The following GXYLT1 variants were observed in gnomAD, a reference collection of about 807,000 sequenced individuals.
The protein encoded by GXYLT1 is glycosyltransferase 8 domain containing 3.
GXYLT1 carries 29 observed loss-of-function variants against 54.0 expected under a neutral mutation model. The ratio of observed to expected loss-of-function variants is 0.54; its 90% CI spans 0.40 to 0.73. The LOEUF is 0.73. Among genes scored for constraint, GXYLT1 ranks in the 30% least tolerant of loss-of-function variants. The pLI is 0.00. For synonymous variants in GXYLT1, 176 were observed against 204.1 expected, an observed-to-expected ratio of 0.86 and a Z score of 1.17; for missense variants, 490 against 553.4, an observed-to-expected ratio of 0.89 and a Z score of 1.15.
intron 4 of GXYLT1, among the ~76,000 whole-genome samples, chr12:42,108,585 CTTAT>C (rs2065434294): frequency 6.6e-6 from 1 of 152,012 alleles, no homozygotes; most frequent in Non-Finnish European, 1.5e-5. Flanking sequence ...ATCTTAATCC[CTTAT>C]TTGTGTGCTT....
chr12:42,114,242 AT>A (rs1457887421), intron 3 of GXYLT1, among the ~76,000 whole-genome samples: 1 of 152,244 alleles, frequency 6.6e-6, no homozygotes, highest in Non-Finnish European at 1.5e-5. Flanking sequence ...GAGCAAAGAC[AT>A]TCAAAACCTA....
At chr12:42,104,653 T>G (rs938260761) in intron 5 of GXYLT1, among the ~76,000 whole-genome samples, 3 of 151,768 alleles carry the variant, frequency 2.0e-5, no homozygotes, top group African/African-American at 7.3e-5. Context: ...CACATGGTAA[T>G]GGCTACAGCA....
In GXYLT1 at chr12:42,086,110, A is replaced by G. The variant is rs1342980880; in HGVS notation, c.*1676T>C. ...GATCATTATTTGAGGACCATTAGAA[A>G]TGATCTAATACATACCCTCCAAACT... On this transcript the variant is annotated 3_prime_UTR_variant, in exon 8 of 8. Transcript: ENST00000398675. 2 of 152,256 alleles carry G rather than the reference A, an allele frequency of 1.3e-5. No homozygotes were observed. The highest frequency in any genetic ancestry group is 4.1e-4 in the South Asian group (2 of 4,836). 9.4% of individuals were successfully genotyped at this position (152,256 alleles called of 1,614,324 possible). A position where few individuals can be genotyped will look rare whatever the true frequency, so the allele number is the denominator to read the frequency against.
chr12:42,112,241 T>C (rs1441120511), intron 3 of GXYLT1, among the ~76,000 whole-genome samples: 1 of 152,100 alleles, frequency 6.6e-6, no homozygotes, highest in East Asian at 1.9e-4. Flanking sequence ...AGAGTGCCTC[T>C]CCTCCTCCAA....
rs189013536 is a variant in GXYLT1 at position 42,138,482 on chromosome 12, C to G, written c.221+5944G>C. On this transcript the variant is annotated intron_variant, in intron 1 of 7. Coordinates refer to ENST00000398675, the MANE Select transcript of GXYLT1 (RefSeq NM_173601.2). The stretch of plus-strand genomic sequence containing the variant: ...GAATAAGTTAGCATCACACAATATA[C>G]CTCCTCTACCAGCCCCCAGCTCCCC... Among the ~76,000 whole-genome samples the G allele has an allele frequency of 2.0e-3, 299 of 152,186 alleles. 4 individuals are homozygous for G. The highest frequency in any genetic ancestry group is 6.4e-3 in the African/African-American group (264 of 41,508).
chr12:42,123,502 T>A (rs887050745), intron 2 of GXYLT1, among the ~76,000 whole-genome samples: 3 of 152,160 alleles, frequency 2.0e-5, no homozygotes, highest in African/African-American at 7.2e-5. Flanking sequence ...AGGTAGGGGT[T>A]TATCATAAAA....
At chr12:42,089,574 G>A (rs544461298) in intron 7 of GXYLT1, among the ~76,000 whole-genome samples, 33 of 152,050 alleles carry the variant, frequency 2.2e-4, no homozygotes, top group Non-Finnish European at 3.8e-4. Flanking sequence ...ATGAAACAAC[G>A]AAGGCAAGGA....
In GXYLT1 at chr12:42,098,784, T is replaced by TATATATATAA. The variant is rs1017764424; in HGVS notation, c.865-752_865-751insTTATATATAT. ...ACATATATATATATATATATATATA[T>TATATATATAA]AATACATGTGTGTGTATATATACAT... On this transcript the variant is annotated intron_variant, in intron 5 of 7. Transcript: ENST00000398675. 5.7e-3 allele frequency among the ~76,000 whole-genome samples: 765 copies of TATATATATAA among 134,388 alleles called. 9 individuals carry two copies. The highest frequency in any genetic ancestry group is 0.018 in the African/African-American group (658 of 36,062). 88.2% of individuals were successfully genotyped at this position (134,388 alleles called of 152,430 possible). A position where few individuals can be genotyped will look rare whatever the true frequency, so the allele number is the denominator to read the frequency against.
At position 42,097,562 on chromosome 12, in the gene GXYLT1, T is replaced by TTA; in HGVS notation, c.1040_1041insTA (p.Tyr348AsnfsTer39). On this transcript the variant is annotated frameshift_variant, in exon 7 of 8. Transcript: ENST00000398675. LOFTEE classifies it high-confidence loss of function. ...CTGCTTCTTGGCAATTGCTTCCATA[T>TTA]ATACAATGATCTGGTCGATAATTCC... 1 of 1,612,318 alleles carries TTA rather than the reference T, an allele frequency of 6.2e-7. No homozygotes were observed. Among genetic ancestry groups the TTA allele is most frequent in the Non-Finnish European group, 8.5e-7 (1 of 1,179,288 alleles).
At position 42,109,634 on chromosome 12, in the gene GXYLT1, G is replaced by A; in HGVS notation, c.544C>T (p.Pro182Ser). The A allele has an allele frequency of 6.3e-7, 1 of 1,590,830 alleles. No individual in the cohort carries two copies. Among genetic ancestry groups the A allele is most frequent in the Non-Finnish European group, 8.6e-7 (1 of 1,165,792 alleles). The change falls in exon 4 of 8, where the codon CCA becomes TCA. Residue 182 changes from proline to serine, a missense_variant. Around this residue, in one of 2 missense-constraint regions of GXYLT1, gnomAD observed 342 missense variants for 342.6 expected, o/e 1.00. Coordinates refer to ENST00000398675, the MANE Select transcript of GXYLT1 (RefSeq NM_173601.2). Reference sequence around the variant, plus strand: ...TTCCACTCTGCTGCATTCTCACTTGGAAAGGTTATGGGGTATAACGTATAA... The same window carrying A: ...TTCCACTCTGCTGCATTCTCACTTGAAAAGGTTATGGGGTATAACGTATAA... Reference protein sequence around the residue: ...FNYTLYPITFPSENAAEWKKL... With the variant: ...FNYTLYPITFSSENAAEWKKL...
intron 3 of GXYLT1, among the ~76,000 whole-genome samples, chr12:42,113,132 C>T (rs1242651504): frequency 4.6e-5 from 7 of 151,046 alleles, no homozygotes; most frequent in Non-Finnish European, 8.8e-5. Context: ...CTGAAGGAAG[C>T]ACTAAACATG....
intron 5 of GXYLT1, among the ~76,000 whole-genome samples, chr12:42,103,220 A>C (rs977643131): frequency 2.0e-5 from 3 of 152,166 alleles, no homozygotes; most frequent in Non-Finnish European, 4.4e-5. Context: ...CGGTCTCCCA[A>C]AGTCTTGGAA....
Position 42,144,831 on chromosome 12 carries a change from C to G in GXYLT1, c.-185G>C, listed in dbSNP as rs1379738888. ...ACCTAGGCGAGCGCAGTCGCGGCTC[C>G]GGAGCCGAAGGACTACCCGCCCGGA... On this transcript the variant is annotated 5_prime_UTR_variant, in exon 1 of 8. Transcript: ENST00000398675. 5.2e-5 allele frequency: 20 copies of G among 385,274 alleles called. No individual in the cohort carries two copies. The Admixed American group carries it at 9.6e-4, about 18-fold the overall frequency. The allele number at this position is 385,274 out of a possible 1,614,324, so 23.9% of individuals were successfully genotyped here.
intron 1 of GXYLT1, among the ~76,000 whole-genome samples, chr12:42,136,633 G>A (rs1157559116): frequency 6.6e-6 from 1 of 152,098 alleles, no homozygotes; most frequent in Non-Finnish European, 1.5e-5. Flanking sequence ...AAACAATTCT[G>A]TATCCTAATC....
intron 7 of GXYLT1, among the ~76,000 whole-genome samples, 195 bp downstream of exon 7, chr12:42,097,247 T>C (rs2065360562): frequency 6.6e-6 from 1 of 151,868 alleles, no homozygotes; most frequent in Non-Finnish European, 1.5e-5. Flanking sequence ...TTGAGTTTTC[T>C]GAAAAAACAA....
Position 42,119,136 on chromosome 12 carries a change from T to A in GXYLT1, c.350A>T (p.His117Leu), listed in dbSNP as rs200822565. The change falls in exon 3 of 8, where the codon CAT becomes CTT. Residue 117 changes from histidine to leucine, a missense_variant. Around this residue, in one of 2 missense-constraint regions of GXYLT1, gnomAD observed 148 missense variants for 210.7 expected, o/e 0.70. Transcript: ENST00000398675. ...SLKIQPVEKMHLAVVACGERL... is the reference protein window; with the variant it reads ...SLKIQPVEKMLLAVVACGERL... ...TTCACCACAGGCAACTACAGCTAGA[T>A]GCATTTTCTCAACAGGCTGTATTTT... 0.048 allele frequency: 62,766 copies of A among 1,298,338 alleles called. 1 individual carries two copies. The highest frequency in any genetic ancestry group is 0.2 in the South Asian group (10,931 of 55,150). 80.4% of individuals were successfully genotyped at this position (1,298,338 alleles called of 1,614,324 possible).
At chr12:42,143,894 C>G (rs2065664938) in intron 1 of GXYLT1, among the ~76,000 whole-genome samples, 5 of 152,240 alleles carry the variant, frequency 3.3e-5, no homozygotes, top group Admixed American at 6.5e-5. Context: ...ATTTCACAAC[C>G]CGCACAAATG....
intron 2 of GXYLT1, among the ~76,000 whole-genome samples, chr12:42,120,773 G>A (rs2065526293): frequency 6.6e-6 from 1 of 151,994 alleles, no homozygotes; most frequent in African/African-American, 2.4e-5. Flanking sequence ...TGGCCTCAAG[G>A]GATCCTCCCA....
chr12:42,101,533 T>C (rs1297771015), intron 5 of GXYLT1, among the ~76,000 whole-genome samples: 1 of 152,118 alleles, frequency 6.6e-6, no homozygotes, highest in African/African-American at 2.4e-5. Context: ...AAAAGAATCC[T>C]ATATCTAAAT....
Sources: allele counts gnomAD v4.1 joint callset (sites outside exome capture counted in the v4.1 genomes callset), GRCh38; gene constraint gnomAD v4.1.1; regional missense constraint gnomAD v4.1.1; transcripts MANE v1.5; gene names NCBI Gene and HGNC (gene_info 2026-07-23, HGNC 2026-07-21).